Variants in SBF2 observed in about 807,000 individuals in gnomAD.
SBF2 encodes the protein SET binding factor 2, also known as myotubularin-related protein 13.
In SBF2, 112 loss-of-function variants were observed where a neutral mutation model predicts 225.2. The ratio of observed to expected loss-of-function variants is 0.50; its 90% confidence interval spans 0.43 to 0.58. The LOEUF is 0.58. SBF2 is among the 20% of genes least tolerant of loss of function. SBF2 has a pLI of 0.00. For missense variants in SBF2, 1,996 were observed against 2,206.2 expected (o/e 0.90, Z 1.91); for synonymous variants, 763 against 773.3 (o/e 0.99, Z 0.22).
intron 1 of SBF2, among the ~76,000 whole-genome samples, chr11:10,246,663 G>A (rs1591299904): frequency 1.3e-5 from 2 of 152,182 alleles, no homozygotes; most frequent in African/African-American, 4.8e-5. Flanking sequence ...TGTCAATAAA[G>A]AAATTAAAAC....
intron 1 of SBF2, among the ~76,000 whole-genome samples, chr11:10,212,971 C>G (rs892784152): frequency 6.6e-6 from 1 of 152,084 alleles, no homozygotes; most frequent in Non-Finnish European, 1.5e-5. Context: ...ATCGCTTGAA[C>G]CCGGGAGGCG....
At chr11:9,949,285 G>A (rs1405384948) in intron 16 of SBF2, among the ~76,000 whole-genome samples, 1 of 151,934 alleles carries the variant, frequency 6.6e-6, no homozygotes, top group Non-Finnish European at 1.5e-5. Flanking sequence ...CATTTTCTAG[G>A]TAGAGGATCA....
At chr11:10,067,058 G>A (rs1420889793) in intron 2 of SBF2, among the ~76,000 whole-genome samples, 1 of 152,098 alleles carries the variant, frequency 6.6e-6, no homozygotes, top group East Asian at 1.9e-4. Context: ...TGGGAAGACT[G>A]CTTGAGGCCA....
At chr11:10,161,781 C>G (rs1038843156) in intron 2 of SBF2, among the ~76,000 whole-genome samples, 1 of 142,414 alleles carries the variant, frequency 7.0e-6, no homozygotes, top group African/African-American at 2.6e-5. Flanking sequence ...GCCCAGGCAA[C>G]ATAGCAAGAC....
At chr11:10,095,934 T>C (rs1468889780) in intron 2 of SBF2, among the ~76,000 whole-genome samples, 1 of 152,118 alleles carries the variant, frequency 6.6e-6, no homozygotes, top group Non-Finnish European at 1.5e-5. Flanking sequence ...CCTAAATAAA[T>C]AAATGTTATT....
intron 7 of SBF2, among the ~76,000 whole-genome samples, chr11:10,001,388 T>C (rs116726702): frequency 0.015 from 2,264 of 152,212 alleles, 54 homozygotes; most frequent in African/African-American, 0.051. Flanking sequence ...TATGAGGCAA[T>C]GATTTATCTA....
chr11:10,237,138 G>T (rs574046330), intron 1 of SBF2, among the ~76,000 whole-genome samples: 1 of 152,240 alleles, frequency 6.6e-6, no homozygotes, highest in Admixed American at 6.5e-5. Flanking sequence ...CCTGAGGCCA[G>T]GAGTTTGAGA....
chr11:10,025,376 T>G (rs996901018), intron 6 of SBF2, among the ~76,000 whole-genome samples: 1 of 151,790 alleles, frequency 6.6e-6, no homozygotes, highest in Non-Finnish European at 1.5e-5. Flanking sequence ...TTATGAGAGC[T>G]TTATATAAAA....
chr11:10,145,906 C>T (rs1954863007), intron 2 of SBF2, among the ~76,000 whole-genome samples: 1 of 152,098 alleles, frequency 6.6e-6, no homozygotes, highest in African/African-American at 2.4e-5. Context: ...ATACAAACAC[C>T]ACTAGCATTC....
intron 6 of SBF2, among the ~76,000 whole-genome samples, chr11:10,016,043 CTGAGATTACAGGCA>C (rs1948636174): frequency 1.3e-5 from 2 of 152,258 alleles, no homozygotes; most frequent in Non-Finnish European, 2.9e-5. Context: ...TCCCAAAGTG[CTGAGATTACAGGCA>C]TGAGCCACCA....
chr11:9,933,763 A>G (rs1313764639), intron 16 of SBF2, among the ~76,000 whole-genome samples: 2 of 152,208 alleles, frequency 1.3e-5, no homozygotes, highest in African/African-American at 2.4e-5. Context: ...AAGAAGCAAG[A>G]GCAAACAAAT....
chr11:10,123,119 C>G (rs1260587463), intron 2 of SBF2, among the ~76,000 whole-genome samples: 3 of 152,114 alleles, frequency 2.0e-5, no homozygotes, highest in Non-Finnish European at 4.4e-5. Flanking sequence ...TATAGAAAAC[C>G]CTTCTGATTT....
intron 2 of SBF2, among the ~76,000 whole-genome samples, chr11:10,122,381 C>G (rs1449505918): frequency 1.3e-5 from 2 of 152,158 alleles, no homozygotes; most frequent in Admixed American, 6.5e-5. Context: ...AGTCTTCGAA[C>G]ATATACTCCT....
In SBF2 at chr11:9,828,251, C is replaced by T. The variant is rs184092358; in HGVS notation, c.3793+1105G>A. On this transcript the variant is annotated intron_variant, in intron 28 of 39. Coordinates refer to ENST00000256190, the MANE Select transcript of SBF2 (RefSeq NM_030962.4). ...AGTCAGCCAAAAAGAAGAACAAAAACCATGTTGTTTGGGTTAACATTACTC... is the reference window on the plus strand; with the variant it reads ...AGTCAGCCAAAAAGAAGAACAAAAATCATGTTGTTTGGGTTAACATTACTC... 1.3e-4 allele frequency: 173 copies of T among 1,285,238 alleles called. No individual in the cohort carries two copies. In the African/African-American group the frequency reaches 2.2e-3, roughly 17 times the overall value. 79.6% of individuals were successfully genotyped at this position (1,285,238 alleles called of 1,614,324 possible).
At chr11:10,165,998 G>A (rs1457760261) in intron 2 of SBF2, among the ~76,000 whole-genome samples, 1 of 152,094 alleles carries the variant, frequency 6.6e-6, no homozygotes, top group Non-Finnish European at 1.5e-5. Context: ...ATGAAGGCGA[G>A]TATACATACA....
chr11:9,881,256 A>G (rs1475344390), intron 17 of SBF2, among the ~76,000 whole-genome samples: 2 of 152,198 alleles, frequency 1.3e-5, no homozygotes, highest in Non-Finnish European at 2.9e-5. Context: ...CACAGCAGTG[A>G]TACCTAAGGA....
At chr11:9,967,965 CTCTCTCTATATATATA>C (rs758484339) in intron 14 of SBF2, among the ~76,000 whole-genome samples, 1,262 of 94,926 alleles carry the variant, frequency 0.013, 12 homozygotes, top group South Asian at 0.026. Flanking sequence ...CTCTCTCTCT[CTCTCTCTATATATATA>C]TATATATATA....
intron 1 of SBF2, among the ~76,000 whole-genome samples, chr11:10,278,525 A>G (rs1963141880): frequency 6.6e-6 from 1 of 152,224 alleles, no homozygotes; most frequent in African/African-American, 2.4e-5. Context: ...TCATGTCTGT[A>G]ATCCCAGCAC....
chr11:10,160,790 C>T (rs1465024386), intron 2 of SBF2, among the ~76,000 whole-genome samples: 2 of 152,180 alleles, frequency 1.3e-5, no homozygotes, highest in Non-Finnish European at 2.9e-5. Flanking sequence ...TACCTCTGCA[C>T]AAGCAGCTAT....
Sources: allele counts gnomAD v4.1 joint callset (sites outside exome capture counted in the v4.1 genomes callset), GRCh38; gene constraint gnomAD v4.1.1; transcripts MANE v1.5; gene names NCBI Gene and HGNC (gene_info 2026-07-23, HGNC 2026-07-21).